CCN6: variants seen among roughly 807,000 people sequenced by gnomAD.
The protein encoded by CCN6 is CCN family member 6.
Under a neutral mutation model 37.4 loss-of-function variants are expected in CCN6, and 31 were observed. That is an observed-to-expected ratio of 0.83 (90% CI 0.62 to 1.12). The LOEUF (loss-of-function observed/expected upper bound fraction) is 1.12. Among genes scored for constraint, CCN6 ranks in the 50% most tolerant of loss-of-function variants. The pLI, the probability that CCN6 is intolerant of heterozygous loss-of-function variation, is 0.00. For synonymous variants in CCN6, 137 were observed against 142.1 expected (o/e 0.96, Z 0.26); for missense variants, 369 against 413.8 (o/e 0.89, Z 0.94).
chr6:112,054,488 G>A, intron 1 of CCN6, 83 bp downstream of exon 1: 1 of 1,306,084 alleles, frequency 7.7e-7, no homozygotes, highest in Non-Finnish European at 1.1e-6. Context: ...ACAAAACGAA[G>A]ATGGAGGAAG....
At chr6:112,065,548 G>A (rs1294742815) in intron 3 of CCN6, among the ~76,000 whole-genome samples, 2 of 129,252 alleles carry the variant, frequency 1.5e-5, no homozygotes, top group Non-Finnish European at 3.4e-5. Context: ...AAGCTCAATT[G>A]TTAATCTCTC....
At chr6:112,069,222 T>C (rs1776799155) in intron 4 of CCN6, 117 bp from the exon 5 acceptor site, 1 of 1,200,146 alleles carries the variant, frequency 8.3e-7, no homozygotes, top group Middle Eastern at 2.7e-4. Context: ...AATCACTACA[T>C]AGCAACTTTT....
chr6:112,061,338 T>C (rs1554312845), intron 2 of CCN6, 50 bp downstream of exon 2: 2 of 1,605,756 alleles, frequency 1.2e-6, no homozygotes, highest in Non-Finnish European at 8.5e-7. Context: ...CTAGACAGAA[T>C]TTTTTTTTCC....
chr6:112,065,994 A>G (rs1554313900), intron 3 of CCN6, among the ~76,000 whole-genome samples: 1 of 152,202 alleles, frequency 6.6e-6, no homozygotes, highest in Non-Finnish European at 1.5e-5. Flanking sequence ...GAGAGGTGCC[A>G]TGGAAATGCA....
intron 4 of CCN6, among the ~76,000 whole-genome samples, chr6:112,069,049 A>G (rs1776789210): frequency 6.6e-6 from 1 of 152,198 alleles, no homozygotes; most frequent in Admixed American, 6.5e-5. Context: ...TTAATAAGAC[A>G]TGGCTCTTGA....
chr6:112,055,425 C>A (rs1554311613), intron 1 of CCN6, among the ~76,000 whole-genome samples: 2 of 152,056 alleles, frequency 1.3e-5, no homozygotes, highest in Admixed American at 1.3e-4. Context: ...ACAAAATAAA[C>A]AACAACAAAC....
chr6:112,058,834 G>C (rs1776423833), intron 1 of CCN6, among the ~76,000 whole-genome samples: 1 of 152,210 alleles, frequency 6.6e-6, no homozygotes, highest in African/African-American at 2.4e-5. Flanking sequence ...TGTGAAGGAT[G>C]AGGGAGAGGA....
chr6:112,061,446 C>T (rs979974859), intron 2 of CCN6, 158 bp downstream of exon 2: 1 of 884,984 alleles, frequency 1.1e-6, no homozygotes, highest in East Asian at 2.6e-5. Context: ...GTATTGGATA[C>T]TATGTGAAAT....
chr6:112,068,382 T>C lies in CCN6; in HGVS notation c.767T>C (p.Ile256Thr). Residue 256 changes from isoleucine (I) to threonine (T), a missense_variant, in exon 4 of 5, where the codon ATA becomes ACA. Ile to Thr is a moderately conservative substitution (Grantham distance 89). Transcript: ENST00000368666. ...TACATTCAGCCTTGCGACAGCAATA[T>C]ATTAAAGACAATAAAGGTAAAGTTT... ...LCYIQPCDSNILKTIKIPKGK... is the reference protein window; with the variant it reads ...LCYIQPCDSNTLKTIKIPKGK... 1 of 1,611,662 alleles carries C rather than the reference T, an allele frequency of 6.2e-7. No homozygotes were observed. The highest frequency in any genetic ancestry group is 2.2e-5 in the East Asian group (1 of 44,784).
intron 2 of CCN6, among the ~76,000 whole-genome samples, chr6:112,061,748 C>T (rs1469571682): frequency 1.3e-5 from 2 of 152,188 alleles, no homozygotes; most frequent in Non-Finnish European, 2.9e-5. Flanking sequence ...AGTTGCTGTG[C>T]TTTTTACTTC....
At chr6:112,054,753 G>A (rs929206158) in intron 1 of CCN6, 1 of 276,644 alleles carries the variant, frequency 3.6e-6, no homozygotes, top group Non-Finnish European at 7.0e-6. Flanking sequence ...AGCTCCAGGC[G>A]GAGGCTCAAC....
Position 112,061,268 on chromosome 6 carries a change from A to G in CCN6, c.326A>G (p.Tyr109Cys). ...YCDYSVDRPR[Y>C]ETGVCAYLVA... The stretch of plus-strand genomic sequence containing the variant: ...GACTACTCAGTAGACAGGCCTAGGT[A>G]CGAGACTGGAGTGTGTGCATGTAAG... Residue 109 changes from tyrosine (Y) to cysteine (C), a missense_variant, in exon 2 of 5, where the codon TAC (tyrosine) becomes TGC (cysteine). By Grantham distance (194) the Tyr-to-Cys change is radical. Transcript: ENST00000368666. 6.2e-7 allele frequency: 1 copy of G among 1,614,234 alleles called. No individual in the cohort carries two copies. The highest frequency in any genetic ancestry group is 8.5e-7 in the Non-Finnish European group (1 of 1,180,022).
Position 112,057,390 on chromosome 6 carries a change from G to A in CCN6, c.48+2985G>A, listed in dbSNP as rs782090566. On this transcript the variant is annotated intron_variant, in intron 1 of 4. Coordinates refer to ENST00000368666, the MANE Select transcript of CCN6 (RefSeq NM_198239.2). Reference sequence around the variant, plus strand: ...ATGCACTTGAAAAGTCATTCTGGAGGGAGGAAGGTCAGTCAGGAACTCGTA... The same window carrying A: ...ATGCACTTGAAAAGTCATTCTGGAGAGAGGAAGGTCAGTCAGGAACTCGTA... Among the ~76,000 whole-genome samples, 5 of 152,216 alleles carry A rather than the reference G, an allele frequency of 3.3e-5. No homozygotes were observed. The South Asian group carries it at 1.0e-3, about 32-fold the overall frequency.
intron 1 of CCN6, among the ~76,000 whole-genome samples, chr6:112,058,318 T>C (rs192676143): frequency 4.1e-4 from 62 of 152,368 alleles, no homozygotes; most frequent in African/African-American, 1.5e-3. Flanking sequence ...GGGTGGAATT[T>C]CCTACAGATA....
chr6:112,067,140 A>C, intron 3 of CCN6: 1 of 820,130 alleles, frequency 1.2e-6, no homozygotes, highest in Non-Finnish European at 1.7e-6. Flanking sequence ...AATAGAGCAC[A>C]TACTTTAAAG....
intron 2 of CCN6, among the ~76,000 whole-genome samples, chr6:112,062,316 A>G (rs1776550602): frequency 6.6e-6 from 1 of 152,232 alleles, no homozygotes; most frequent in Non-Finnish European, 1.5e-5. Flanking sequence ...TTGGAATCCT[A>G]TAATGAAAAC....
intron 1 of CCN6, among the ~76,000 whole-genome samples, chr6:112,059,817 A>G (rs781871671): frequency 6.6e-5 from 10 of 152,254 alleles, no homozygotes; most frequent in Non-Finnish European, 1.3e-4. Flanking sequence ...ACATTAGGCA[A>G]AGATCTTGCT....
chr6:112,062,291 C>A (rs1739758432), intron 2 of CCN6, among the ~76,000 whole-genome samples: 1 of 152,066 alleles, frequency 6.6e-6, no homozygotes. Context: ...AGTAGGATCC[C>A]AAAAATGTTA....
upstream of CCN6, among the ~76,000 whole-genome samples, chr6:112,053,582 C>T (rs1220839298): frequency 6.6e-6 from 1 of 151,580 alleles, no homozygotes; most frequent in African/African-American, 2.4e-5. Context: ...TTATTTTAGG[C>T]CCGGAAAAAT....
Sources: gnomAD v4.1 joint callset for allele counts (sites outside exome capture counted in the v4.1 genomes callset) on GRCh38, gnomAD v4.1.1 for gene constraint, MANE v1.5 for transcripts, NCBI Gene and HGNC (gene_info 2026-07-23, HGNC 2026-07-21) for gene names.